Variants in VRK1 observed in about 807,000 individuals in gnomAD.
VRK1 encodes VRK serine/threonine kinase 1, also known as serine/threonine-protein kinase VRK1.
VRK1 carries 33 observed loss-of-function variants against 57.1 expected under a neutral mutation model. The ratio of observed to expected loss-of-function variants is 0.58; its 90% CI spans 0.44 to 0.77. VRK1 has a LOEUF of 0.77. Among genes scored for constraint, VRK1 ranks in the 30% least tolerant of loss-of-function variants. VRK1 has a pLI of 0.00. For synonymous variants in VRK1, 137 were observed against 147.8 expected (o/e 0.93, Z 0.53); for missense variants, 413 against 477.3 (o/e 0.87, Z 1.25).
intron 3 of VRK1, among the ~76,000 whole-genome samples, chr14:96,843,294 A>C (rs1839342460): frequency 6.6e-6 from 1 of 152,236 alleles, no homozygotes; most frequent in African/African-American, 2.4e-5. Context: ...TAGTCATGTC[A>C]GTAGCAGAAC....
At chr14:96,870,938 A>C (rs1048929975) in intron 11 of VRK1, among the ~76,000 whole-genome samples, 2 of 152,190 alleles carry the variant, frequency 1.3e-5, no homozygotes, top group Non-Finnish European at 2.9e-5. Context: ...TAGACAAATT[A>C]TGCTGACTTT....
chr14:96,814,312 G>C (rs148531936), intron 1 of VRK1, among the ~76,000 whole-genome samples: 1 of 152,202 alleles, frequency 6.6e-6, no homozygotes, highest in Non-Finnish European at 1.5e-5. Flanking sequence ...GCAGATTAAG[G>C]TATTGAGAGT....
At chr14:96,864,501 G>A (rs984101206) in intron 11 of VRK1, among the ~76,000 whole-genome samples, 5 of 152,016 alleles carry the variant, frequency 3.3e-5, no homozygotes, top group East Asian at 1.9e-4. Flanking sequence ...TGACTATACC[G>A]TAATTTATTG....
intron 1 of VRK1, among the ~76,000 whole-genome samples, chr14:96,811,095 A>G (rs560644392): frequency 6.6e-6 from 1 of 151,986 alleles, no homozygotes; most frequent in Admixed American, 6.6e-5. Context: ...ACGCCCAGCT[A>G]ATTTTTTGAA....
At chr14:96,809,055 A>T (rs1326861989) in intron 1 of VRK1, among the ~76,000 whole-genome samples, 2 of 151,086 alleles carry the variant, frequency 1.3e-5, no homozygotes, top group African/African-American at 2.4e-5. Context: ...TTGGCTTTTC[A>T]CAGCATGTTG....
At chr14:96,857,433 C>G (rs1417718412) in intron 10 of VRK1, among the ~76,000 whole-genome samples, 2 of 152,074 alleles carry the variant, frequency 1.3e-5, no homozygotes, top group Non-Finnish European at 2.9e-5. Context: ...AGAAGGGACA[C>G]TAGTGCCCAG....
At chr14:96,849,448 TA>T (rs113271477) in intron 5 of VRK1, among the ~76,000 whole-genome samples, 188 of 142,860 alleles carry the variant, frequency 1.3e-3, no homozygotes, top group African/African-American at 4.0e-3. Context: ...ATAAACGTCT[TA>T]AAAAAAAAAA....
intron 11 of VRK1, 133 bp downstream of exon 11, chr14:96,860,868 T>C: frequency 2.3e-6 from 2 of 875,462 alleles, no homozygotes; most frequent in Non-Finnish European, 3.5e-6. Flanking sequence ...ACATTTTTTG[T>C]AATACAGAAA....
At chr14:96,831,488 C>T (rs77091282) in intron 1 of VRK1, among the ~76,000 whole-genome samples, 6,601 of 152,202 alleles carry the variant, frequency 0.043, 177 homozygotes, top group Non-Finnish European at 0.063. Flanking sequence ...AAAGTCATTC[C>T]AAGCCTTAAT....
intron 4 of VRK1, among the ~76,000 whole-genome samples, chr14:96,846,851 G>C (rs1381193710): frequency 6.6e-6 from 1 of 151,912 alleles, no homozygotes; most frequent in African/African-American, 2.4e-5. Context: ...ATGAGATAAA[G>C]TATATAAGAG....
At position 96,881,305 on chromosome 14, in the gene VRK1, A is replaced by T; in HGVS notation, c.*97A>T. On this transcript the variant is annotated 3_prime_UTR_variant, in exon 13 of 13. Coordinates refer to ENST00000216639, the MANE Select transcript of VRK1 (RefSeq NM_003384.3). ...GTTTTATTTTCCTGTGAGTCTTGCG[A>T]GGTGGAAGTAATGATTAAATACTCA... The T allele has an allele frequency of 8.9e-7, 1 of 1,121,906 alleles. No individual in the cohort carries two copies. Among genetic ancestry groups the T allele is most frequent in the South Asian group, 1.4e-5 (1 of 71,720 alleles). The allele number at this position is 1,121,906 out of a possible 1,614,324, so 69.5% of individuals were successfully genotyped here.
intron 1 of VRK1, among the ~76,000 whole-genome samples, chr14:96,829,832 A>G (rs1284689278): frequency 1.3e-5 from 2 of 152,124 alleles, no homozygotes; most frequent in African/African-American, 4.8e-5. Context: ...TCTCAGTTCT[A>G]CAAGTATATA....
intron 3 of VRK1, among the ~76,000 whole-genome samples, chr14:96,844,072 A>C (rs1887575959): frequency 6.6e-6 from 1 of 152,230 alleles, no homozygotes; most frequent in African/African-American, 2.4e-5. Context: ...TATATAAATG[A>C]GCTATTCCAA....
At chr14:96,862,723 C>G (rs899254522) in intron 11 of VRK1, among the ~76,000 whole-genome samples, 1 of 152,024 alleles carries the variant, frequency 6.6e-6, no homozygotes, top group Non-Finnish European at 1.5e-5. Context: ...TGTTTTTCAG[C>G]AAGATCTATA....
intron 12 of VRK1, 104 bp from the exon 13 acceptor site, chr14:96,881,073 A>G: frequency 1.0e-6 from 1 of 1,004,120 alleles, no homozygotes; most frequent in Admixed American, 2.5e-5. Context: ...AGTCGATTTG[A>G]TTTTAAAATG....
intron 5 of VRK1, 90 bp downstream of exon 5, chr14:96,847,434 AC>A (rs1887752768): frequency 2.0e-6 from 2 of 988,808 alleles, no homozygotes. Context: ...CTGATCACTT[AC>A]AATATTACTA....
intron 1 of VRK1, among the ~76,000 whole-genome samples, chr14:96,805,775 T>C (rs569395403): frequency 4.6e-5 from 7 of 152,334 alleles, no homozygotes; most frequent in Admixed American, 3.9e-4. Flanking sequence ...GAGGTTACCA[T>C]TGACACATGT....
rs186128383 is a variant in VRK1, at chr14:96,863,960, A to G, written c.1068+3225A>G. On this transcript the variant is annotated intron_variant, in intron 11 of 12. Coordinates refer to ENST00000216639, the MANE Select transcript of VRK1 (RefSeq NM_003384.3). Reference sequence around the variant, plus strand: ...TACAGCCTTTATACCATTGTAGCCTATAGTTTCAGTCGGGTTGCCCTGAAT... The same window carrying G: ...TACAGCCTTTATACCATTGTAGCCTGTAGTTTCAGTCGGGTTGCCCTGAAT... 1.9e-3 allele frequency among the ~76,000 whole-genome samples: 296 copies of G among 152,310 alleles called. 3 individuals are homozygous for G. The highest frequency in any genetic ancestry group is 0.016 in the Admixed American group (245 of 15,300).
At chr14:96,813,975 T>G (rs1208333571) in intron 1 of VRK1, among the ~76,000 whole-genome samples, 1 of 152,080 alleles carries the variant, frequency 6.6e-6, no homozygotes, top group East Asian at 1.9e-4. Context: ...TCCTAAGAAT[T>G]AGAGATAATG....
Sources: allele counts gnomAD v4.1 joint callset (sites outside exome capture counted in the v4.1 genomes callset), GRCh38; gene constraint gnomAD v4.1.1; transcripts MANE v1.5; gene names NCBI Gene and HGNC (gene_info 2026-07-23, HGNC 2026-07-21).